DRG1: variants seen among roughly 807,000 people sequenced by gnomAD.
DRG1 encodes developmentally-regulated GTP-binding protein 1.
In DRG1, 19 loss-of-function variants were observed where a neutral mutation model predicts 38.8. The observed-to-expected ratio is 0.49, with a 90% confidence interval of 0.34 to 0.72. The LOEUF is 0.72. Ranked by LOEUF, DRG1 falls within the 30% of genes least tolerant of loss-of-function variation. The pLI is 0.01. For missense variants in DRG1, 299 were observed against 444.8 expected (o/e 0.67, Z 2.95); for synonymous variants, 167 against 157.5 (o/e 1.06, Z -0.45).
At chr22:31,421,707 A>C (rs2050078042) in intron 5 of DRG1, among the ~76,000 whole-genome samples, 1 of 151,998 alleles carries the variant, frequency 6.6e-6, no homozygotes, top group South Asian at 2.1e-4. Flanking sequence ...CCCCATCTCT[A>C]TAAAAATAAT....
Position 31,399,678 on chromosome 22 carries a change from G to A in DRG1, c.-6G>A. ...ACAGTGTGGAGGCCACAGGGTACTC[G>A]CCACGATGAGCAGCACCTTAGCTAA... On this transcript the variant is annotated 5_prime_UTR_variant, in exon 1 of 9. Coordinates refer to ENST00000331457, the MANE Select transcript of DRG1 (RefSeq NM_004147.4). 1 of 1,614,048 alleles carries A rather than the reference G, an allele frequency of 6.2e-7. No individual in the cohort carries two copies. Among genetic ancestry groups the A allele is most frequent in the Non-Finnish European group, 8.5e-7 (1 of 1,179,906 alleles).
chr22:31,421,739 C>T (rs970619247), intron 5 of DRG1, among the ~76,000 whole-genome samples: 2 of 152,006 alleles, frequency 1.3e-5, no homozygotes, highest in African/African-American at 4.8e-5. Flanking sequence ...GAGGAATTAT[C>T]TAGGCTGGAT....
chr22:31,433,439 T>G (rs537614142), intron 8 of DRG1, among the ~76,000 whole-genome samples: 2 of 152,006 alleles, frequency 1.3e-5, no homozygotes, highest in African/African-American at 4.8e-5. Context: ...CCCAGCTAAT[T>G]TTTGTATTTT....
intron 4 of DRG1, among the ~76,000 whole-genome samples, chr22:31,412,249 G>A (rs1373806275): frequency 6.6e-6 from 1 of 150,934 alleles, no homozygotes; most frequent in African/African-American, 2.4e-5. Context: ...AGCTGAGATC[G>A]TGCCAACAGA....
chr22:31,432,448 CTG>C, intron 8 of DRG1, among the ~76,000 whole-genome samples: 1 of 145,040 alleles, frequency 6.9e-6, no homozygotes, highest in African/African-American at 2.5e-5. Context: ...TTTTTTGAGA[CTG>C]AGAGAGACTC....
intron 3 of DRG1, 63 bp downstream of exon 3, chr22:31,403,267 T>C: frequency 6.6e-7 from 1 of 1,505,610 alleles, no homozygotes. Context: ...AAGAAGTTTA[T>C]TGGGAGCTCA....
rs201137214 is a variant in DRG1 at position 31,427,121 on chromosome 22, A to G, written c.943A>G (p.Arg315Gly). 11 of 1,614,182 alleles carry G rather than the reference A, an allele frequency of 6.8e-6. No individual in the cohort carries two copies. Among genetic ancestry groups the G allele is most frequent in the Admixed American group, 3.3e-5 (2 of 60,024 alleles). The change falls in exon 8 of 9, where the codon AGG becomes GGG. Residue 315 changes from arginine to glycine, a missense_variant. Physicochemically the swap from Arg to Gly is moderately radical, Grantham distance 125 (BLOSUM62 -2). Transcript: ENST00000331457. ...ATCCCCAGTGGTGCTTCCTTACTCC[A>G]GGACCACAGTGGAGGATTTCTGCAT... is the stretch of plus-strand genomic sequence containing the variant. ...YTSPVVLPYS[R>G]TTVEDFCMKI...
chr22:31,423,416 G>T lies in DRG1; in HGVS notation c.713+6G>T. On this transcript the variant is annotated splice_donor_region_variant and intron_variant, in intron 6 of 8. Coordinates refer to ENST00000331457, the MANE Select transcript of DRG1 (RefSeq NM_004147.4). ...GATGTGGTGGAAGGAAACAGGTACTGACTGAGTGTGCAGTCTGTGCCTGAC... is the reference window on the plus strand; with the variant it reads ...GATGTGGTGGAAGGAAACAGGTACTTACTGAGTGTGCAGTCTGTGCCTGAC... The T allele has an allele frequency of 1.2e-6, 2 of 1,613,726 alleles. No individual in the cohort carries two copies. The highest frequency in any genetic ancestry group is 1.7e-5 in the Admixed American group (1 of 59,956).
At chr22:31,403,735 G>A (rs2049975357) in intron 3 of DRG1, among the ~76,000 whole-genome samples, 1 of 151,798 alleles carries the variant, frequency 6.6e-6, no homozygotes, top group South Asian at 2.1e-4. Context: ...GCCCGCGTTG[G>A]CCTCCCAAAA....
intron 3 of DRG1, 132 bp downstream of exon 3, chr22:31,403,336 G>A: frequency 1.0e-6 from 1 of 973,222 alleles, no homozygotes. Flanking sequence ...AGGGGAAATA[G>A]AGCAGTACGA....
chr22:31,401,938 C>T (rs2049963380), intron 2 of DRG1, among the ~76,000 whole-genome samples: 1 of 152,014 alleles, frequency 6.6e-6, no homozygotes, highest in Non-Finnish European at 1.5e-5. Context: ...GTAATCCCAG[C>T]TACTCAGGAG....
At chr22:31,416,003 C>T (rs1488858970) in intron 4 of DRG1, among the ~76,000 whole-genome samples, 1 of 152,116 alleles carries the variant, frequency 6.6e-6, no homozygotes. Flanking sequence ...CTTCTCACTA[C>T]AGCTAGTATG....
At chr22:31,427,738 A>G (rs976004342) in intron 8 of DRG1, among the ~76,000 whole-genome samples, 2 of 151,500 alleles carry the variant, frequency 1.3e-5, no homozygotes, top group East Asian at 3.9e-4. Flanking sequence ...GCTAATTTTT[A>G]ATTTTTCATT....
chr22:31,416,270 C>G (rs2050043903), intron 4 of DRG1, among the ~76,000 whole-genome samples: 1 of 152,132 alleles, frequency 6.6e-6, no homozygotes, highest in Non-Finnish European at 1.5e-5. Context: ...GAGTGAGACT[C>G]TGTCTCAAGA....
At chr22:31,408,752 CAAA>C (rs66474618) in intron 3 of DRG1, among the ~76,000 whole-genome samples, 31 of 111,490 alleles carry the variant, frequency 2.8e-4, no homozygotes, top group African/African-American at 9.9e-4. Context: ...GACTCATTCT[CAAA>C]AAAAAAAAAA....
At chr22:31,422,849 T>G (rs913504956) in intron 5 of DRG1, among the ~76,000 whole-genome samples, 3 of 152,206 alleles carry the variant, frequency 2.0e-5, no homozygotes, top group Non-Finnish European at 4.4e-5. Context: ...AGGGTTGATT[T>G]CTTCTGAGGC....
At chr22:31,422,147 A>AT (rs932870933) in intron 5 of DRG1, among the ~76,000 whole-genome samples, 1 of 149,608 alleles carries the variant, frequency 6.7e-6, no homozygotes, top group African/African-American at 2.4e-5. Flanking sequence ...AGAAAAGAGA[A>AT]TCGGCCAGGC....
At chr22:31,415,516 C>T (rs569489517) in intron 4 of DRG1, among the ~76,000 whole-genome samples, 56 of 152,228 alleles carry the variant, frequency 3.7e-4, no homozygotes, top group African/African-American at 1.3e-3. Context: ...TGTGCCACCA[C>T]GCCTGGCTAA....
At chr22:31,422,995 C>T (rs1302915264) in intron 5 of DRG1, among the ~76,000 whole-genome samples, 3 of 152,050 alleles carry the variant, frequency 2.0e-5, no homozygotes, top group Admixed American at 6.6e-5. Context: ...ATTTGATTAC[C>T]GCTTTAAAGA....
Sources: allele counts gnomAD v4.1 joint callset (sites outside exome capture counted in the v4.1 genomes callset), GRCh38; gene constraint gnomAD v4.1.1; transcripts MANE v1.5; gene names NCBI Gene and HGNC (gene_info 2026-07-23, HGNC 2026-07-21).